Variants in BDH1 observed in about 807,000 individuals in gnomAD.
The protein encoded by BDH1 is 3-hydroxybutyrate dehydrogenase 1.
Under a neutral mutation model 33.1 loss-of-function variants are expected in BDH1, and 30 were observed. The observed-to-expected ratio is 0.91, with a 90% CI of 0.68 to 1.23. BDH1 has a LOEUF of 1.23. Ranked by LOEUF, BDH1 falls within the 50% of genes most tolerant of loss-of-function variation. The probability of loss-of-function intolerance (pLI) is 0.00; values close to 1 mark genes in which losing one functional copy is unlikely to be tolerated. For missense variants in BDH1, 443 were observed against 464.4 expected, an observed-to-expected ratio of 0.95 and a Z score of 0.42; for synonymous variants, 190 against 183.6, an observed-to-expected ratio of 1.03 and a Z score of -0.28.
chr3:197,557,269 G>A (rs187067661), upstream of BDH1, among the ~76,000 whole-genome samples: 9 of 152,280 alleles, frequency 5.9e-5, no homozygotes, highest in South Asian at 2.1e-4. This position sits in a 1 kb window ranked among gnomAD's most constrained non-coding sequence, Gnocchi z 4.6. Context: ...TTTCACTTGC[G>A]TGCATTCTTA....
upstream of BDH1, among the ~76,000 whole-genome samples, chr3:197,559,476 G>C (rs977232543): frequency 6.6e-6 from 1 of 152,198 alleles, no homozygotes; most frequent in African/African-American, 2.4e-5. Context: ...TGTGATTCAT[G>C]AACTCATACT....
rs1315444208 is a variant in BDH1 at position 197,522,713 on chromosome 3, G to A, written c.336C>T (p.Leu112=). The A allele has an allele frequency of 1.2e-6, 2 of 1,614,052 alleles. No homozygotes were observed. Among genetic ancestry groups the A allele is most frequent in the African/African-American group, 1.3e-5 (1 of 74,910 alleles). ...LNSDRLRTVQ[L]NVCSSEEVEK... ...CCACCTCTTCGCTGCTGCAGACATT[G>A]AGCTGGACGGTTCTCAATCGGTCAC... The change falls in exon 6 of 8, where the codon CTC becomes CTT. Residue 112 remains leucine (L), a synonymous_variant. Coordinates refer to ENST00000392379, the MANE Select transcript of BDH1 (RefSeq NM_203314.3). The surrounding 1 kb of genome is among the most constrained non-coding windows in gnomAD (Gnocchi z 4.8).
chr3:197,513,735 C>T (rs1234485171), intron 7 of BDH1, among the ~76,000 whole-genome samples: 1 of 152,162 alleles, frequency 6.6e-6, no homozygotes, highest in Non-Finnish European at 1.5e-5. Flanking sequence ...TTTGCTATGC[C>T]AGAGAAAAAA....
chr3:197,519,844 G>C (rs1264644985), intron 6 of BDH1, among the ~76,000 whole-genome samples: 2 of 151,972 alleles, frequency 1.3e-5, no homozygotes, highest in South Asian at 2.1e-4. Context: ...GCGGGGGTCG[G>C]GGCCGGTGGC....
chr3:197,564,028 G>A (rs1044703201), intron 1 of BDH1, among the ~76,000 whole-genome samples: 1 of 150,766 alleles, frequency 6.6e-6, no homozygotes, highest in Non-Finnish European at 1.5e-5. Flanking sequence ...CTTGAACCCA[G>A]GAAGCGGAGG....
chr3:197,511,374 A>T lies in BDH1; in HGVS notation c.*521T>A, dbSNP rs1449524976. 6.5e-6 allele frequency: 1 copy of T among 154,716 alleles called. No individual in the cohort carries two copies. The highest frequency in any genetic ancestry group is 1.4e-5 in the Non-Finnish European group (1 of 69,878). The allele number at this position is 154,716 out of a possible 1,614,324, so 9.6% of individuals were successfully genotyped here. On this transcript the variant is annotated 3_prime_UTR_variant, in exon 8 of 8. Transcript: ENST00000392379. Reference sequence around the variant, plus strand: ...GTGTGCTGCCCAGATGAGGACACAGAGTTAGTCAGAAGATTCTCGGGCAAA... The same window carrying T: ...GTGTGCTGCCCAGATGAGGACACAGTGTTAGTCAGAAGATTCTCGGGCAAA...
In BDH1 at chr3:197,525,485, T is replaced by A. The variant is rs1262120318; in HGVS notation, c.268-2704A>T. On this transcript the variant is annotated intron_variant, in intron 5 of 7. Transcript: ENST00000392379. The surrounding 1 kb of genome is among the most constrained non-coding windows in gnomAD (Gnocchi z 4.9). ...GGGGAAACCCCCGACTCCAAGTCAG[T>A]AAACTCTTAATTTGGCAGTTTGACA... Among the ~76,000 whole-genome samples, 1 of 152,224 alleles carries A rather than the reference T, an allele frequency of 6.6e-6. No individual in the cohort carries two copies. The highest frequency in any genetic ancestry group is 1.5e-5 in the Non-Finnish European group (1 of 68,046).
intron 3 of BDH1, among the ~76,000 whole-genome samples, chr3:197,541,253 G>A (rs1404121631): frequency 6.6e-6 from 1 of 152,150 alleles, no homozygotes; most frequent in Non-Finnish European, 1.5e-5. Flanking sequence ...AGTAGGAAGG[G>A]GTGGCCCCAG....
rs566745818 is a variant in BDH1 at position 197,535,321 on chromosome 3, G to C, written c.84-1760C>G. Reference sequence around the variant, plus strand: ...TCAGATGTCCTAGCTGCTAGTCCTTGGTTACATATGTGGTAGGCAAAATTT... The same window carrying C: ...TCAGATGTCCTAGCTGCTAGTCCTTCGTTACATATGTGGTAGGCAAAATTT... On this transcript the variant is annotated intron_variant, in intron 3 of 7. Transcript: ENST00000392379. 3.3e-5 allele frequency among the ~76,000 whole-genome samples: 5 copies of C among 152,260 alleles called. No individual in the cohort carries two copies. The East Asian group carries it at 5.8e-4, about 18-fold the overall frequency.
At chr3:197,543,605 C>T (rs1045883320) in intron 3 of BDH1, among the ~76,000 whole-genome samples, 3 of 152,212 alleles carry the variant, frequency 2.0e-5, no homozygotes, top group African/African-American at 7.2e-5. Flanking sequence ...CCTTATCCAG[C>T]CACTCCTGGG....
Position 197,535,736 on chromosome 3 carries a change from T to C in BDH1, c.84-2175A>G, listed in dbSNP as rs532092659. Reference sequence around the variant, plus strand: ...CCCAGGACCCAAAGATTTTCTTCTATGTTCTTTTCTAAAAGTTTTATAGTT... The same window carrying C: ...CCCAGGACCCAAAGATTTTCTTCTACGTTCTTTTCTAAAAGTTTTATAGTT... On this transcript the variant is annotated intron_variant, in intron 3 of 7. Transcript: ENST00000392379. 2.6e-5 allele frequency among the ~76,000 whole-genome samples: 4 copies of C among 152,326 alleles called. No individual in the cohort carries two copies. The East Asian group carries it at 5.8e-4, about 22-fold the overall frequency.
intron 1 of BDH1, chr3:197,555,361 G>C (rs1200741118): frequency 6.6e-6 from 1 of 152,404 alleles, no homozygotes; most frequent in East Asian, 1.9e-4. Flanking sequence ...GTCTGGGCTC[G>C]GCCTTTGACT....
chr3:197,548,376 C>A (rs1266560533), intron 2 of BDH1, among the ~76,000 whole-genome samples: 1 of 152,244 alleles, frequency 6.6e-6, no homozygotes, highest in Admixed American at 6.5e-5. Flanking sequence ...AGGTCACCAT[C>A]ACTGGGAAAC....
At chr3:197,568,608 C>T (rs1717508965) in intron 1 of BDH1, among the ~76,000 whole-genome samples, 1 of 152,120 alleles carries the variant, frequency 6.6e-6, no homozygotes, top group African/African-American at 2.4e-5. Flanking sequence ...TCCCCACCCA[C>T]TTTCTATCAC....
At position 197,523,953 on chromosome 3, in the gene BDH1, C is replaced by A. The variant is rs1396574469; in HGVS notation, c.268-1172G>T. On this transcript the variant is annotated intron_variant, in intron 5 of 7. Coordinates refer to ENST00000392379, the MANE Select transcript of BDH1 (RefSeq NM_203314.3). This position sits in a 1 kb window ranked among gnomAD's most constrained non-coding sequence, Gnocchi z 4.5. ...GGCAGGGGTCTGCTTGTGGGCACTG[C>A]CGAGCTGCTGGGGGGCTTTCCTCTA... 6.6e-6 allele frequency among the ~76,000 whole-genome samples: 1 copy of A among 152,128 alleles called. No individual in the cohort carries two copies. Among genetic ancestry groups the A allele is most frequent in the Admixed American group, 6.5e-5 (1 of 15,274 alleles).
rs1711859450 is a variant in BDH1 at position 197,510,642 on chromosome 3, GT to G, written c.*1252del. ...TGTGTGTGTGTGTGTGTGTGTGTGTGTGTGTGTGTGTGTGTGTGTGTGTGTG... is the reference window on the plus strand; with the variant it reads ...TGTGTGTGTGTGTGTGTGTGTGTGTGGTGTGTGTGTGTGTGTGTGTGTGTG... On this transcript the variant is annotated 3_prime_UTR_variant, in exon 8 of 8. Coordinates refer to ENST00000392379, the MANE Select transcript of BDH1 (RefSeq NM_203314.3). 2 of 58,640 alleles carry G rather than the reference GT, an allele frequency of 3.4e-5. No homozygotes were observed. The highest frequency in any genetic ancestry group is 3.7e-5 in the Non-Finnish European group (1 of 27,248). 3.6% of individuals were successfully genotyped at this position (58,640 alleles called of 1,614,324 possible). A position where few individuals can be genotyped will look rare whatever the true frequency, so the allele number is the denominator to read the frequency against.
intron 3 of BDH1, chr3:197,538,282 A>G (rs1405042179): frequency 2.8e-5 from 13 of 456,592 alleles, no homozygotes; most frequent in Non-Finnish European, 5.7e-5. Flanking sequence ...GTAACAGGGG[A>G]AAAGAGATGG....
intron 1 of BDH1, 94 bp downstream of exon 1, chr3:197,555,687 C>G (rs1341811314): frequency 6.6e-6 from 1 of 152,344 alleles, no homozygotes; most frequent in Non-Finnish European, 1.5e-5. Flanking sequence ...ATCCCGGCTT[C>G]GGAGCTAAAG....
At chr3:197,564,630 C>G (rs1253731467) in intron 1 of BDH1, among the ~76,000 whole-genome samples, 1 of 152,012 alleles carries the variant, frequency 6.6e-6, no homozygotes, top group African/African-American at 2.4e-5. Context: ...ATTCAACTTT[C>G]TCAGGAAAGG....
Sources: gnomAD v4.1 joint callset for allele counts (sites outside exome capture counted in the v4.1 genomes callset) on GRCh38, gnomAD v4.1.1 for gene constraint, Gnocchi (gnomAD v3.1) non-coding constraint, MANE v1.5 for transcripts, NCBI Gene and HGNC (gene_info 2026-07-23, HGNC 2026-07-21) for gene names.